Variants in ONECUT2 observed in about 807,000 individuals in gnomAD.
The protein encoded by ONECUT2 is one cut domain family member 2.
Under a neutral mutation model 27.9 loss-of-function variants are expected in ONECUT2, and 10 were observed. That is an observed-to-expected ratio of 0.36 (90% CI 0.22 to 0.61). The LOEUF is 0.61. Among genes scored for constraint, ONECUT2 ranks in the 20% least tolerant of loss-of-function variants. The probability of loss-of-function intolerance (pLI) is 0.73; values close to 1 mark genes in which losing one functional copy is unlikely to be tolerated. For synonymous variants in ONECUT2, 334 were observed against 315.1 expected (o/e 1.06, Z -0.64); for missense variants, 686 against 721.0 (o/e 0.95, Z 0.56).
Position 57,487,192 on chromosome 18 carries a change from A to G in ONECUT2, c.*10469A>G, listed in dbSNP as rs151310105. 97 of 152,748 alleles carry G rather than the reference A, an allele frequency of 6.4e-4. No individual in the cohort carries two copies. The highest frequency in any genetic ancestry group is 2.2e-3 in the African/African-American group (92 of 41,596). The allele number at this position is 152,748 out of a possible 1,614,324, so 9.5% of individuals were successfully genotyped here. A position where few individuals can be genotyped will look rare whatever the true frequency, so the allele number is the denominator to read the frequency against. ...CTGTTGGGATCTGAAAATGAGTCAC[A>G]TTGAATTGGGTTCCAGCTTTATAAT... On this transcript the variant is annotated 3_prime_UTR_variant, in exon 2 of 2. Coordinates refer to ENST00000491143, the MANE Select transcript of ONECUT2 (RefSeq NM_004852.3).
intron 1 of ONECUT2, among the ~76,000 whole-genome samples, chr18:57,460,577 C>T (rs970015485): frequency 6.6e-6 from 1 of 151,952 alleles, no homozygotes; most frequent in African/African-American, 2.4e-5. Context: ...ATCTTCTTAG[C>T]CTTCCTTGTA....
intron 1 of ONECUT2, among the ~76,000 whole-genome samples, chr18:57,440,418 G>T (rs189777624): frequency 6.8e-4 from 103 of 152,306 alleles, no homozygotes; most frequent in Middle Eastern, 6.8e-3. Flanking sequence ...AAATCGAGCC[G>T]AGCGCCCGAC....
chr18:57,471,130 C>G (rs1568124425), intron 1 of ONECUT2, among the ~76,000 whole-genome samples: 1 of 152,196 alleles, frequency 6.6e-6, no homozygotes, highest in Admixed American at 6.5e-5. Flanking sequence ...CTCACCCTGT[C>G]CCGCCTCCCT....
At position 57,485,332 on chromosome 18, in the gene ONECUT2, T is replaced by C. The variant is rs375727515; in HGVS notation, c.*8609T>C. 6 of 152,342 alleles carry C rather than the reference T, an allele frequency of 3.9e-5. No individual in the cohort carries two copies. Among genetic ancestry groups the C allele is most frequent in the African/African-American group, 1.4e-4 (6 of 41,582 alleles). 9.4% of individuals were successfully genotyped at this position (152,342 alleles called of 1,614,324 possible). A position where few individuals can be genotyped will look rare whatever the true frequency, so the allele number is the denominator to read the frequency against. Reference sequence around the variant, plus strand: ...GTATTTATGAGAGAAGTTTAAGCCTTACATCATTTGATACTAAAGGGTTAT... The same window carrying C: ...GTATTTATGAGAGAAGTTTAAGCCTCACATCATTTGATACTAAAGGGTTAT... On this transcript the variant is annotated 3_prime_UTR_variant, in exon 2 of 2. Coordinates refer to ENST00000491143, the MANE Select transcript of ONECUT2 (RefSeq NM_004852.3).
intron 1 of ONECUT2, among the ~76,000 whole-genome samples, chr18:57,459,002 G>C (rs1262960979): frequency 6.6e-6 from 1 of 151,950 alleles, no homozygotes; most frequent in Non-Finnish European, 1.5e-5. Flanking sequence ...ATACTTGCTG[G>C]TCATATATAT....
At chr18:57,457,295 G>A (rs143676851) in intron 1 of ONECUT2, among the ~76,000 whole-genome samples, 3 of 152,200 alleles carry the variant, frequency 2.0e-5, no homozygotes, top group African/African-American at 2.4e-5. Context: ...GAGCTCTGAG[G>A]GGGAACCAGG....
chr18:57,435,848 C>A lies in ONECUT2; in HGVS notation c.132C>A (p.Gly44=). The change falls in exon 1 of 2, where the codon GGC becomes GGA. Residue 44 remains glycine (G), a synonymous_variant. Coordinates refer to ENST00000491143, the MANE Select transcript of ONECUT2 (RefSeq NM_004852.3). ...CCGGCGGCGGCAGTGGCGGGGGCGGCGGCGGGGGCGGCGGGGGCGGCGGCG... is the reference window on the plus strand; with the variant it reads ...CCGGCGGCGGCAGTGGCGGGGGCGGAGGCGGGGGCGGCGGGGGCGGCGGCG... ...GPAGGGSGGG[G]GGGGGGGGGG... The A allele has an allele frequency of 1.1e-6, 1 of 905,996 alleles. No individual in the cohort carries two copies. 56.1% of individuals were successfully genotyped at this position (905,996 alleles called of 1,614,324 possible). A position where few individuals can be genotyped will look rare whatever the true frequency, so the allele number is the denominator to read the frequency against.
rs1478253181 is a variant in ONECUT2 at position 57,488,318 on chromosome 18, T to C, written c.*11595T>C. The C allele has an allele frequency of 6.6e-6, 1 of 152,652 alleles. No homozygotes were observed. The highest frequency in any genetic ancestry group is 1.5e-5 in the Non-Finnish European group (1 of 68,050). The allele number at this position is 152,652 out of a possible 1,614,324, so 9.5% of individuals were successfully genotyped here. ...CTTTATATGTTGTTCCACAATAAAA[T>C]TGATATTTGTTTCAGCAAAGTTTTC... On this transcript the variant is annotated 3_prime_UTR_variant, in exon 2 of 2. Transcript: ENST00000491143.
Position 57,476,445 on chromosome 18 carries a change from C to G in ONECUT2, c.1237C>G (p.Arg413Gly). The change falls in exon 2 of 2, where the codon CGC becomes GGC. Residue 413 changes from arginine (R) to glycine (G), a missense_variant. This residue lies in a region of ONECUT2 where 51 missense variants were observed against 41.3 expected (regional missense o/e 1.23). Coordinates refer to ENST00000491143, the MANE Select transcript of ONECUT2 (RefSeq NM_004852.3). ...TTCTCTTTCCCTTCAAGCGTGCAAA[C>G]GCAAAGAGCAAGAACCAAACAAAGA... ...MSALRLAACKRKEQEPNKDRN... is the reference protein window; with the variant it reads ...MSALRLAACKGKEQEPNKDRN... 3 of 1,613,922 alleles carry G rather than the reference C, an allele frequency of 1.9e-6. No homozygotes were observed. The highest frequency in any genetic ancestry group is 2.5e-6 in the Non-Finnish European group (3 of 1,179,834).
chr18:57,444,310 G>A (rs539672517), intron 1 of ONECUT2: 5 of 455,442 alleles, frequency 1.1e-5, no homozygotes, highest in Admixed American at 9.4e-5. Flanking sequence ...TAGAATGTGG[G>A]CTTTATTACT....
chr18:57,458,951 G>T (rs946391328), intron 1 of ONECUT2, among the ~76,000 whole-genome samples: 18 of 152,078 alleles, frequency 1.2e-4, no homozygotes, highest in African/African-American at 4.1e-4. Flanking sequence ...GCTTTATTTT[G>T]TTATATTTTT....
At chr18:57,474,667 C>T (rs1452671906) in intron 1 of ONECUT2, among the ~76,000 whole-genome samples, 1 of 152,134 alleles carries the variant, frequency 6.6e-6, no homozygotes, top group Non-Finnish European at 1.5e-5. Flanking sequence ...CCTCTTAGTA[C>T]CATCACCTTG....
chr18:57,486,468 T>A lies in ONECUT2; in HGVS notation c.*9745T>A, dbSNP rs1393527909. On this transcript the variant is annotated 3_prime_UTR_variant, in exon 2 of 2. Transcript: ENST00000491143. ...CGGTTCCAAAGCTTTACTATGAACC[T>A]GGGCATGTTGGCAATGCAGACCGCG... The A allele has an allele frequency of 1.3e-5, 2 of 152,646 alleles. No homozygotes were observed. Among genetic ancestry groups the A allele is most frequent in the African/African-American group, 4.8e-5 (2 of 41,454 alleles). 9.5% of individuals were successfully genotyped at this position (152,646 alleles called of 1,614,324 possible). A position where few individuals can be genotyped will look rare whatever the true frequency, so the allele number is the denominator to read the frequency against.
At chr18:57,473,496 T>A (rs1248189997) in intron 1 of ONECUT2, among the ~76,000 whole-genome samples, 1 of 152,184 alleles carries the variant, frequency 6.6e-6, no homozygotes, top group African/African-American at 2.4e-5. Flanking sequence ...ACAAAGAGGC[T>A]ACGTAATTTG....
intron 1 of ONECUT2, among the ~76,000 whole-genome samples, chr18:57,468,818 TA>T (rs1236758239): frequency 3.9e-5 from 6 of 152,252 alleles, no homozygotes; most frequent in African/African-American, 1.4e-4. Context: ...AGTGTACAGT[TA>T]TTCTATTTTC....
intron 1 of ONECUT2, among the ~76,000 whole-genome samples, chr18:57,455,721 GAGAAAGGGAAGCCTGCAGT>G (rs1179920853): frequency 1.3e-5 from 2 of 152,192 alleles, no homozygotes; most frequent in African/African-American, 2.4e-5. Flanking sequence ...TGGATGCAGG[GAGAAAGGGAAGCCTGCAGT>G]GAGGACTGGT....
chr18:57,458,984 A>G (rs1057143315), intron 1 of ONECUT2, among the ~76,000 whole-genome samples: 4 of 152,228 alleles, frequency 2.6e-5, no homozygotes, highest in African/African-American at 9.6e-5. Context: ...GAACCTTGAT[A>G]TAATCATATA....
At position 57,435,733 on chromosome 18, in the gene ONECUT2, C is replaced by T. The variant is rs1280846597; in HGVS notation, c.17C>T (p.Thr6Ile). 1.2e-5 allele frequency: 15 copies of T among 1,261,492 alleles called. No homozygotes were observed. Among genetic ancestry groups the T allele is most frequent in the Admixed American group, 2.4e-5 (1 of 42,118 alleles). The allele number at this position is 1,261,492 out of a possible 1,614,324, so 78.1% of individuals were successfully genotyped here. MKAAYTAYRCLTKDLE... is the reference protein window; with the variant it reads MKAAYIAYRCLTKDLE... ...ATGGACTGAATGAAGGCTGCCTACACCGCCTATCGATGCCTCACCAAAGAC... is the reference window on the plus strand; with the variant it reads ...ATGGACTGAATGAAGGCTGCCTACATCGCCTATCGATGCCTCACCAAAGAC... The change falls in exon 1 of 2, where the codon ACC (threonine) becomes ATC (isoleucine). Residue 6 changes from threonine to isoleucine, a missense_variant. Transcript: ENST00000491143.
At chr18:57,457,884 A>C (rs1210439333) in intron 1 of ONECUT2, among the ~76,000 whole-genome samples, 1 of 152,046 alleles carries the variant, frequency 6.6e-6, no homozygotes, top group Non-Finnish European at 1.5e-5. Context: ...AGAAAAGCAA[A>C]CGCTGCATGC....
Sources: allele counts gnomAD v4.1 joint callset (sites outside exome capture counted in the v4.1 genomes callset), GRCh38; gene constraint gnomAD v4.1.1; regional missense constraint gnomAD v4.1.1; transcripts MANE v1.5; gene names NCBI Gene and HGNC (gene_info 2026-07-23, HGNC 2026-07-21).